The following ZFHX3 variants were observed in gnomAD, a reference collection of about 807,000 sequenced individuals.
The protein encoded by ZFHX3 is zinc finger homeobox 3, also known as zinc finger homeobox protein 3.
In ZFHX3, 42 loss-of-function variants were observed where a neutral mutation model predicts 279.1. That is an observed-to-expected ratio of 0.15 (90% CI 0.12 to 0.19). The LOEUF (loss-of-function observed/expected upper bound fraction) is 0.19. ZFHX3 is among the 10% of genes least tolerant of loss of function. The pLI, the probability that ZFHX3 is intolerant of heterozygous loss-of-function variation, is 1.00. For missense variants in ZFHX3, 4,981 were observed against 4,754.0 expected, an observed-to-expected ratio of 1.05 and a Z score of -1.40; for synonymous variants, 2,293 against 1,957.8, an observed-to-expected ratio of 1.17 and a Z score of -4.52.
intron 1 of ZFHX3, among the ~76,000 whole-genome samples, chr16:72,978,120 C>G (rs1185276452): frequency 1.3e-5 from 2 of 152,222 alleles, no homozygotes; most frequent in African/African-American, 4.8e-5. Flanking sequence ...CCGCCTCATC[C>G]TCCCAGAGTG....
intron 7 of ZFHX3, among the ~76,000 whole-genome samples, chr16:73,095,918 T>C (rs1456507586): frequency 6.6e-6 from 1 of 152,204 alleles, no homozygotes; most frequent in Non-Finnish European, 1.5e-5. Context: ...TGTTACAACA[T>C]TGCACTTACT....
At chr16:73,281,942 A>G (rs1023744740) in intron 4 of ZFHX3, among the ~76,000 whole-genome samples, 2 of 152,148 alleles carry the variant, frequency 1.3e-5, no homozygotes, top group African/African-American at 4.8e-5. Context: ...AAGTTTAGGG[A>G]CAACCAAATG....
intron 2 of ZFHX3, among the ~76,000 whole-genome samples, chr16:73,576,882 T>A (rs1324260033): frequency 6.6e-6 from 1 of 152,094 alleles, no homozygotes; most frequent in African/African-American, 2.4e-5. Flanking sequence ...CCTCCCACCC[T>A]CCACGCTCAA....
chr16:72,842,393 C>T (rs2037365471), intron 4 of ZFHX3, among the ~76,000 whole-genome samples: 1 of 151,914 alleles, frequency 6.6e-6, no homozygotes, highest in Non-Finnish European at 1.5e-5. Flanking sequence ...AGCAACATTT[C>T]ACAAAGTGAA....
At chr16:73,427,733 A>C (rs1355725047) in intron 3 of ZFHX3, among the ~76,000 whole-genome samples, 2 of 152,100 alleles carry the variant, frequency 1.3e-5, no homozygotes, top group Non-Finnish European at 2.9e-5. Context: ...CAGGAGTTCA[A>C]GACCAGCCCG....
intron 3 of ZFHX3, among the ~76,000 whole-genome samples, chr16:72,938,387 G>C (rs1391989440): frequency 2.0e-5 from 3 of 152,376 alleles, no homozygotes; most frequent in African/African-American, 7.2e-5. Context: ...CCCCTCAGCG[G>C]AGCTGGGCTT....
At chr16:73,815,840 C>G (rs1435315988) in intron 1 of ZFHX3, 1 of 152,232 alleles carries the variant, frequency 6.6e-6, no homozygotes, top group Admixed American at 6.5e-5. Context: ...GTTGGGATTA[C>G]AGGTGTGAGC....
intron 1 of ZFHX3, among the ~76,000 whole-genome samples, chr16:73,776,596 G>C (rs1841403096): frequency 6.6e-6 from 1 of 152,150 alleles, no homozygotes; most frequent in African/African-American, 2.4e-5. Flanking sequence ...GAAATTAGAG[G>C]GGAAATCATA....
At chr16:73,803,632 T>G (rs1467004706) in intron 1 of ZFHX3, among the ~76,000 whole-genome samples, 2 of 152,214 alleles carry the variant, frequency 1.3e-5, no homozygotes, top group East Asian at 3.8e-4. Flanking sequence ...TTGATTCACC[T>G]AAAGCCTTAT....
rs183462540 is a variant in ZFHX3 at position 72,918,446 on chromosome 16, T to C, written c.3217-28484A>G. Among the ~76,000 whole-genome samples, 15 of 152,242 alleles carry C rather than the reference T, an allele frequency of 9.9e-5. No individual in the cohort carries two copies. The East Asian group carries it at 1.7e-3, about 18-fold the overall frequency. On this transcript the variant is annotated intron_variant, in intron 3 of 9. Coordinates refer to ENST00000268489, the MANE Select transcript of ZFHX3 (RefSeq NM_006885.4). ...ATAGTGACATTCAAAAAATCAAATA[T>C]TGCAAAGTTTTAAAAAGTCACAAAA...
At position 73,592,149 on chromosome 16, in the gene ZFHX3, C is replaced by G. The variant is rs143029517; in HGVS notation, c.-1547+88031G>C. Reference sequence around the variant, plus strand: ...GGGAGAGGCCAAGACAGGAGAACTGCTTGAACTCAGGAGGCGGAGGTTGCA... The same window carrying G: ...GGGAGAGGCCAAGACAGGAGAACTGGTTGAACTCAGGAGGCGGAGGTTGCA... On this transcript the variant is annotated intron_variant, in intron 2 of 17. Transcript: ENST00000641206. 4.6e-3 allele frequency among the ~76,000 whole-genome samples: 698 copies of G among 152,046 alleles called. 10 individuals are homozygous for G. Among genetic ancestry groups the G allele is most frequent in the African/African-American group, 0.017 (685 of 41,458 alleles).
intron 1 of ZFHX3, among the ~76,000 whole-genome samples, chr16:73,005,377 C>T (rs1288059195): frequency 6.6e-6 from 1 of 152,030 alleles, no homozygotes; most frequent in Non-Finnish European, 1.5e-5. Flanking sequence ...CACCTGTAGC[C>T]CCAGTTACTT....
chr16:73,682,908 GAAAGAAAGAGAGAAAGAGAA>G (rs1567550570), intron 1 of ZFHX3, among the ~76,000 whole-genome samples: 1 of 41,736 alleles, frequency 2.4e-5, no homozygotes, highest in Non-Finnish European at 4.8e-5. Flanking sequence ...GAAAGAAAGA[GAAAGAAAGAGAGAAAGAGAA>G]AGAAAGAAAG....
At chr16:72,894,865 C>A (rs1415780018) in intron 3 of ZFHX3, among the ~76,000 whole-genome samples, 2 of 152,194 alleles carry the variant, frequency 1.3e-5, no homozygotes, top group African/African-American at 4.8e-5. Context: ...ACAGAGTCAC[C>A]CGCTGGGGAG....
chr16:73,445,906 G>A (rs547119300), intron 3 of ZFHX3, among the ~76,000 whole-genome samples: 1 of 152,336 alleles, frequency 6.6e-6, no homozygotes, highest in Non-Finnish European at 1.5e-5. Context: ...GTTCTGTCTT[G>A]AAATGAAGTT....
chr16:73,684,994 A>G (rs2053065781), intron 1 of ZFHX3, among the ~76,000 whole-genome samples: 1 of 129,824 alleles, frequency 7.7e-6, no homozygotes, highest in South Asian at 2.6e-4. Flanking sequence ...CCACTGTGCC[A>G]GGCCCAACAA....
At chr16:73,402,962 G>C (rs2017287155) in intron 3 of ZFHX3, among the ~76,000 whole-genome samples, 1 of 152,108 alleles carries the variant, frequency 6.6e-6, no homozygotes, top group Non-Finnish European at 1.5e-5. Context: ...AGATTAAGAG[G>C]TAATAGAGAG....
chr16:72,805,898 C>CT (rs1174021456), intron 7 of ZFHX3: 1,847 of 147,476 alleles, frequency 0.013, 28 homozygotes, highest in African/African-American at 0.04. Context: ...TTCTTTCTTT[C>CT]TTTTTTTTTT....
intron 3 of ZFHX3, among the ~76,000 whole-genome samples, chr16:72,945,595 T>C (rs535131664): frequency 1.3e-5 from 2 of 152,118 alleles, no homozygotes; most frequent in Non-Finnish European, 1.5e-5. Context: ...AGGAAAACAT[T>C]CCTTTCCTTT....
Sources: gnomAD v4.1 joint callset for allele counts (sites outside exome capture counted in the v4.1 genomes callset) on GRCh38, gnomAD v4.1.1 for gene constraint, MANE v1.5 for transcripts, NCBI Gene and HGNC (gene_info 2026-07-23, HGNC 2026-07-21) for gene names.